Variants in GALNT13 observed in about 807,000 individuals in gnomAD.
The protein encoded by GALNT13 is polypeptide N-acetylgalactosaminyltransferase 13.
In GALNT13, 28 loss-of-function variants were observed where a neutral mutation model predicts 64.2. The observed-to-expected ratio is 0.44, with a 90% confidence interval of 0.32 to 0.60. GALNT13 has a LOEUF of 0.60. GALNT13 is among the 20% of genes least tolerant of loss of function. GALNT13 has a pLI of 0.05. For synonymous variants in GALNT13, 214 were observed against 224.6 expected (o/e 0.95, Z 0.42); for missense variants, 577 against 669.8 (o/e 0.86, Z 1.53).
At chr2:154,429,983 C>T (rs982126226) in intron 11 of GALNT13, among the ~76,000 whole-genome samples, 1 of 152,042 alleles carries the variant, frequency 6.6e-6, no homozygotes, top group Non-Finnish European at 1.5e-5. Flanking sequence ...TGACCTATTT[C>T]TGAGGAAAAA....
chr2:153,626,047 T>G, the GALNT13 span, among the ~76,000 whole-genome samples: 1 of 152,096 alleles, frequency 6.6e-6, no homozygotes, highest in African/African-American at 2.4e-5. Flanking sequence ...ATTAATATAT[T>G]AATTCTTTCA....
At chr2:154,034,799 T>C (rs1698558707) in intron 3 of GALNT13, among the ~76,000 whole-genome samples, 1 of 136,440 alleles carries the variant, frequency 7.3e-6, no homozygotes, top group Admixed American at 7.0e-5. Flanking sequence ...TGAATAGTAG[T>C]CCATTGAAAA....
At chr2:154,043,158 T>G (rs1005637166) in intron 3 of GALNT13, among the ~76,000 whole-genome samples, 1 of 151,926 alleles carries the variant, frequency 6.6e-6, no homozygotes, top group Non-Finnish European at 1.5e-5. Flanking sequence ...ATGGATTAAC[T>G]GTAATGGGTG....
At chr2:153,759,825 C>A in the GALNT13 span, among the ~76,000 whole-genome samples, 1 of 151,114 alleles carries the variant, frequency 6.6e-6, no homozygotes, top group South Asian at 2.1e-4. Context: ...ATTCTACCCT[C>A]ATAAAAAAAA....
intron 6 of GALNT13, among the ~76,000 whole-genome samples, chr2:154,245,099 C>G (rs967175516): frequency 1.9e-5 from 2 of 107,398 alleles, no homozygotes; most frequent in Non-Finnish European, 3.9e-5. Flanking sequence ...GGGCAAGGCT[C>G]TGTCAAAATA....
In GALNT13 at chr2:154,086,571, G is replaced by A. The variant is rs72870339; in HGVS notation, c.143-53766G>A. On this transcript the variant is annotated intron_variant, in intron 3 of 12. Coordinates refer to ENST00000392825, the MANE Select transcript of GALNT13 (RefSeq NM_052917.4). ...TTTGATTGTATGCATTTTTATATGGGACACTGACTTATTTTTCATCCAATA... is the reference window on the plus strand; with the variant it reads ...TTTGATTGTATGCATTTTTATATGGAACACTGACTTATTTTTCATCCAATA... Among the ~76,000 whole-genome samples the A allele has an allele frequency of 3.3e-3, 496 of 151,752 alleles. 1 individual carries two copies. Among genetic ancestry groups the A allele is most frequent in the Middle Eastern group, 6.9e-3 (2 of 288 alleles).
intron 3 of GALNT13, among the ~76,000 whole-genome samples, chr2:154,023,834 A>G (rs966459940): frequency 2.6e-4 from 39 of 152,196 alleles, no homozygotes; most frequent in East Asian, 9.7e-4. Flanking sequence ...GGCTGGTACC[A>G]GTTGTTCCTT....
chr2:153,345,770 C>CTTCCTTCT, the GALNT13 span, among the ~76,000 whole-genome samples: 1 of 129,470 alleles, frequency 7.7e-6, no homozygotes, highest in Admixed American at 8.3e-5. Flanking sequence ...TCCTTCCTTC[C>CTTCCTTCT]TTCTTTCTCT....
chr2:153,293,685 G>T, the GALNT13 span, among the ~76,000 whole-genome samples: 1 of 151,906 alleles, frequency 6.6e-6, no homozygotes, highest in Non-Finnish European at 1.5e-5. Flanking sequence ...ATGGATATCC[G>T]TGTTGAAACA....
chr2:154,022,129 A>G (rs1194228479), intron 3 of GALNT13, among the ~76,000 whole-genome samples: 4 of 152,186 alleles, frequency 2.6e-5, no homozygotes, highest in East Asian at 1.9e-4. Context: ...GGATTTTTGC[A>G]TCGATGTTCA....
chr2:153,172,491 C>T, the GALNT13 span, among the ~76,000 whole-genome samples: 1 of 152,068 alleles, frequency 6.6e-6, no homozygotes, highest in African/African-American at 2.4e-5. Context: ...GGATTTAAAG[C>T]ACCACTGAGA....
the GALNT13 span, among the ~76,000 whole-genome samples, chr2:153,719,983 T>A: frequency 6.6e-6 from 1 of 151,962 alleles, no homozygotes; most frequent in African/African-American, 2.4e-5. Context: ...CCTGCCTGCC[T>A]CTATAGGCTC....
intron 9 of GALNT13, among the ~76,000 whole-genome samples, chr2:154,383,875 T>C (rs565460024): frequency 2.0e-5 from 3 of 149,080 alleles, no homozygotes; most frequent in South Asian, 4.3e-4. Context: ...AGCAAATATA[T>C]AGAGATATAT....
At chr2:154,158,896 T>C (rs1037220562) in intron 4 of GALNT13, among the ~76,000 whole-genome samples, 2 of 152,090 alleles carry the variant, frequency 1.3e-5, no homozygotes, top group Non-Finnish European at 2.9e-5. Context: ...TTATCATCTC[T>C]CTAAATTCTT....
the GALNT13 span, among the ~76,000 whole-genome samples, chr2:153,786,805 C>A: frequency 5.6e-4 from 86 of 152,242 alleles, no homozygotes; most frequent in African/African-American, 9.9e-4. Flanking sequence ...TACCCTCAGA[C>A]TAACAAAGGA....
intron 3 of GALNT13, among the ~76,000 whole-genome samples, chr2:154,011,643 A>G (rs1236610609): frequency 1.3e-5 from 2 of 151,966 alleles, no homozygotes; most frequent in African/African-American, 4.8e-5. Flanking sequence ...TTCTCCCTTG[A>G]TGATCTAATA....
the GALNT13 span, among the ~76,000 whole-genome samples, chr2:153,858,198 A>G: frequency 3.3e-5 from 5 of 152,292 alleles, no homozygotes; most frequent in South Asian, 6.2e-4. Context: ...GGATAAGTGC[A>G]TCATAGGAAG....
intron 4 of GALNT13, among the ~76,000 whole-genome samples, chr2:154,155,979 A>G (rs192518087): frequency 4.0e-5 from 6 of 151,874 alleles, no homozygotes; most frequent in Non-Finnish European, 8.8e-5. Context: ...TATATATTCG[A>G]CGTATATTTA....
the GALNT13 span, among the ~76,000 whole-genome samples, chr2:153,162,694 C>T: frequency 6.6e-6 from 1 of 152,100 alleles, no homozygotes; most frequent in African/African-American, 2.4e-5. Context: ...TATGACGATG[C>T]CATTGTTCCA....
Sources: gnomAD v4.1 joint callset for allele counts (sites outside exome capture counted in the v4.1 genomes callset) on GRCh38, gnomAD v4.1.1 for gene constraint, MANE v1.5 for transcripts, NCBI Gene and HGNC (gene_info 2026-07-23, HGNC 2026-07-21) for gene names.